PRR5: variants seen among roughly 807,000 people sequenced by gnomAD.
PRR5 encodes the protein proline-rich protein 5.
In PRR5, 25 loss-of-function variants were observed where a neutral mutation model predicts 30.6. The observed-to-expected ratio is 0.82, with a 90% CI of 0.60 to 1.14. The LOEUF (loss-of-function observed/expected upper bound fraction) is 1.14, where lower values mean the gene tolerates loss of function less well. Among genes scored for constraint, PRR5 ranks in the 50% most tolerant of loss-of-function variants. The probability of loss-of-function intolerance (pLI) is 0.00; values close to 1 mark genes in which losing one functional copy is unlikely to be tolerated. For synonymous variants in PRR5, 286 were observed against 247.1 expected, an observed-to-expected ratio of 1.16 and a Z score of -1.48; for missense variants, 600 against 547.1, an observed-to-expected ratio of 1.10 and a Z score of -0.96.
In PRR5 at chr22:44,737,004, G is replaced by T; in HGVS notation, c.924G>T (p.Arg308Ser). The change falls in exon 8 of 8, where the codon AGG becomes AGT. Residue 308 changes from arginine (R) to serine (S), a missense_variant. Transcript: ENST00000336985. Reference protein sequence around the residue: ...PPGQGPTGTFRSSPAPHSGPC... With the variant: ...PPGQGPTGTFSSSPAPHSGPC... Reference sequence around the variant, plus strand: ...GCCAGGGCCCCACCGGGACCTTCAGGTCCTCCCCGGCGCCCCACTCAGGGC... The same window carrying T: ...GCCAGGGCCCCACCGGGACCTTCAGTTCCTCCCCGGCGCCCCACTCAGGGC... 6.2e-7 allele frequency: 1 copy of T among 1,600,088 alleles called. No homozygotes were observed. The highest frequency in any genetic ancestry group is 1.1e-5 in the South Asian group (1 of 90,728).
Position 44,737,569 on chromosome 22 carries a change from G to T in PRR5, c.*322G>T, listed in dbSNP as rs916650238. 2.6e-5 allele frequency: 9 copies of T among 340,324 alleles called. No homozygotes were observed. The highest frequency in any genetic ancestry group is 3.7e-5 in the Non-Finnish European group (7 of 188,362). 21.1% of individuals were successfully genotyped at this position (340,324 alleles called of 1,614,324 possible). ...CCTGCCCACAGAGAATGTAAACCCAGTGGGCTCTGCCCACGCCGGGCCCCA... is the reference window on the plus strand; with the variant it reads ...CCTGCCCACAGAGAATGTAAACCCATTGGGCTCTGCCCACGCCGGGCCCCA... On this transcript the variant is annotated 3_prime_UTR_variant, in exon 8 of 8. Transcript: ENST00000336985.
intron 1 of PRR5, among the ~76,000 whole-genome samples, chr22:44,684,047 C>G (rs28376449): frequency 0.09 from 13,672 of 152,190 alleles, 773 homozygotes; most frequent in East Asian, 0.27. Flanking sequence ...GGTGTCGAAA[C>G]CAGGACTTCC....
At chr22:44,675,762 G>A (rs201850811), upstream of PRR5, among the ~76,000 whole-genome samples, 18 of 142,962 alleles carry the variant, frequency 1.3e-4, no homozygotes, top group African/African-American at 2.8e-4. Flanking sequence ...TGTTGCTGTT[G>A]TTATTATTAT....
chr22:44,722,783 G>C (rs1049481587), intron 2 of PRR5, among the ~76,000 whole-genome samples: 4 of 152,186 alleles, frequency 2.6e-5, no homozygotes, highest in African/African-American at 9.7e-5. Context: ...CTGGTGGCCA[G>C]GGGCACAGTG....
chr22:44,675,384 CGTCTG>C (rs1923680643), upstream of PRR5, among the ~76,000 whole-genome samples: 1 of 152,222 alleles, frequency 6.6e-6, no homozygotes, highest in Non-Finnish European at 1.5e-5. Flanking sequence ...TGAGCCACCA[CGTCTG>C]GCCTGTTCTG....
intron 2 of PRR5, 139 bp from the exon 3 acceptor site, chr22:44,725,105 C>A: frequency 7.9e-7 from 1 of 1,269,294 alleles, no homozygotes; most frequent in Non-Finnish European, 1.1e-6. Context: ...ACAGGTGGGA[C>A]CTGTCCACTA....
At chr22:44,689,646 A>AGTTTT (rs766187326) in intron 1 of PRR5, among the ~76,000 whole-genome samples, 14 of 152,106 alleles carry the variant, frequency 9.2e-5, no homozygotes, top group South Asian at 2.1e-4. Flanking sequence ...CTCATCTCAG[A>AGTTTT]GTTTTGTTTT....
Position 44,736,831 on chromosome 22 carries a change from C to T in PRR5, c.751C>T (p.Arg251Cys), listed in dbSNP as rs764098166. The change falls in exon 8 of 8, where the codon CGC becomes TGC. Residue 251 changes from arginine to cysteine, a missense_variant. By Grantham distance (180) the Arg-to-Cys change is radical (BLOSUM62 -3). Transcript: ENST00000336985. ...GDVLAKNPVV[R>C]SKSYNTPLLN... The stretch of plus-strand genomic sequence containing the variant: ...CGTGCTGGCCAAGAACCCTGTGGTG[C>T]GCTCCAAGAGCTACAACACGCCTCT... 1.2e-5 allele frequency: 19 copies of T among 1,592,738 alleles called. No individual in the cohort carries two copies. Among genetic ancestry groups the T allele is most frequent in the African/African-American group, 6.7e-5 (5 of 74,632 alleles).
Position 44,732,463 on chromosome 22 carries a change from G to A in PRR5, c.555+72G>A, listed in dbSNP as rs1186857269. 6 of 1,548,604 alleles carry A rather than the reference G, an allele frequency of 3.9e-6. No homozygotes were observed. The South Asian group carries it at 5.7e-5, about 15-fold the overall frequency. On this transcript the variant is annotated intron_variant, in intron 6 of 7. Transcript: ENST00000336985. ...AATTGGGCTCAGGTCCCCACAGGCA[G>A]AGCATGAGATGAGGATTTAGGGGCA... is the stretch of plus-strand genomic sequence containing the variant.
chr22:44,732,391 G>C lies in PRR5; in HGVS notation c.555G>C (p.Gln185His), dbSNP rs759449236. The change falls in exon 6 of 8, where the codon CAG (glutamine) becomes CAC (histidine). Residue 185 changes from glutamine (Q) to histidine (H), a missense_variant and splice_region_variant. By Grantham distance (24) the Gln-to-His change is conservative. Transcript: ENST00000336985. ...TCGTGCAGATGCTGCTGGTGCTGCA[G>C]GTGGGCACAGTGGGCAGAGGGTCGG... ...PAIVQMLLVL[Q>H]GVHESRGVTE... 1 of 1,607,094 alleles carries C rather than the reference G, an allele frequency of 6.2e-7. No homozygotes were observed. The highest frequency in any genetic ancestry group is 1.7e-5 in the Admixed American group (1 of 59,938).
At chr22:44,713,814 GT>G (rs555683821) in intron 1 of PRR5, among the ~76,000 whole-genome samples, 46 of 152,114 alleles carry the variant, frequency 3.0e-4, no homozygotes, top group Non-Finnish European at 5.6e-4. Context: ...GTTTTCTTTT[GT>G]TTTTTTGAGA....
At chr22:44,716,578 G>GGAGT (rs1020254469) in intron 2 of PRR5, among the ~76,000 whole-genome samples, 11 of 152,204 alleles carry the variant, frequency 7.2e-5, no homozygotes, top group African/African-American at 2.7e-4. Context: ...GCAGCCCTGA[G>GGAGT]GAGTAGATGC....
intron 1 of PRR5, among the ~76,000 whole-genome samples, chr22:44,687,421 C>T (rs935349505): frequency 1.3e-5 from 2 of 152,174 alleles, no homozygotes; most frequent in East Asian, 1.9e-4. Flanking sequence ...ACTTTCTCAT[C>T]GGTTGGGTTA....
At chr22:44,688,899 A>G (rs1924994159) in intron 1 of PRR5, among the ~76,000 whole-genome samples, 2 of 152,206 alleles carry the variant, frequency 1.3e-5, no homozygotes, top group South Asian at 2.1e-4. Flanking sequence ...GAAGCAGGAG[A>G]CTGGCTTGAA....
chr22:44,715,059 G>C (rs536933115), intron 2 of PRR5, among the ~76,000 whole-genome samples: 2 of 152,244 alleles, frequency 1.3e-5, no homozygotes, highest in African/African-American at 4.8e-5. Flanking sequence ...CCTGCCTAAC[G>C]ACGGGAGTGT....
chr22:44,736,517 C>T (rs962798772), intron 7 of PRR5, among the ~76,000 whole-genome samples: 4 of 152,210 alleles, frequency 2.6e-5, no homozygotes, highest in Non-Finnish European at 5.9e-5. Context: ...AGGTCGCTGG[C>T]GGGGTGCAGG....
intron 6 of PRR5, among the ~76,000 whole-genome samples, chr22:44,733,934 C>G (rs915812134): frequency 6.6e-6 from 1 of 152,188 alleles, no homozygotes; most frequent in African/African-American, 2.4e-5. Context: ...CCCAAGAGTC[C>G]TGGGTTAGTC....
At position 44,702,459 on chromosome 22, in the gene PRR5, G is replaced by A; in HGVS notation, c.-16G>A. 2.2e-6 allele frequency: 3 copies of A among 1,344,954 alleles called. No individual in the cohort carries two copies. The highest frequency in any genetic ancestry group is 2.9e-6 in the Non-Finnish European group (3 of 1,042,098). 83.3% of individuals were successfully genotyped at this position (1,344,954 alleles called of 1,614,324 possible). On this transcript the variant is annotated 5_prime_UTR_variant, in exon 1 of 8. Transcript: ENST00000336985. ...GTGGGGCGCGCGTGGGCGCGGCGCA[G>A]GCGGCCCGGGTCACCATGAGGACTC...
At chr22:44,680,956 T>TG (rs1165185184) in intron 1 of PRR5, among the ~76,000 whole-genome samples, 5 of 152,236 alleles carry the variant, frequency 3.3e-5, no homozygotes, top group African/African-American at 1.2e-4. Flanking sequence ...TCCACATTCA[T>TG]GCATCCATCA....
Sources: gnomAD v4.1 joint callset for allele counts (sites outside exome capture counted in the v4.1 genomes callset) on GRCh38, gnomAD v4.1.1 for gene constraint, MANE v1.5 for transcripts, NCBI Gene and HGNC (gene_info 2026-07-23, HGNC 2026-07-21) for gene names.